Variants in RPS19 observed in about 807,000 individuals in gnomAD.
The protein encoded by RPS19 is ribosomal protein S19, also known as small ribosomal subunit protein eS19.
A neutral mutation model predicts 20.3 loss-of-function variants in RPS19; 1 was observed. The observed-to-expected ratio is 0.05, with a 90% confidence interval of 0.02 to 0.23. The LOEUF is 0.23. Among genes scored for constraint, RPS19 ranks in the 10% least tolerant of loss-of-function variants. RPS19 has a pLI of 1.00. For missense variants in RPS19, 111 were observed against 192.7 expected (o/e 0.58, Z 2.51); for synonymous variants, 87 against 74.8 (o/e 1.16, Z -0.84).
At chr19:41,860,708 T>C in intron 1 of RPS19, 67 bp from the exon 2 acceptor site, 1 of 1,141,192 alleles carries the variant, frequency 8.8e-7, no homozygotes, top group East Asian at 2.3e-5. Context: ...AGGATTGGGG[T>C]GGGGTCCGTG....
In RPS19 at chr19:41,860,769, C is replaced by T. The variant is rs1245066243; in HGVS notation, c.1-6C>T. On this transcript the variant is annotated splice_region_variant and splice_polypyrimidine_tract_variant and intron_variant, in intron 1 of 5. Transcript: ENST00000598742. ...CTGTGTTCACATGCTTGACTTTCTC[C>T]CTCAGATGCCTGGAGTTACTGTAAA... 3.1e-6 allele frequency: 5 copies of T among 1,611,740 alleles called. No individual in the cohort carries two copies. The highest frequency in any genetic ancestry group is 1.7e-4 in the Middle Eastern group (1 of 6,054).
In RPS19 at chr19:41,865,395, A is replaced by T. The variant is rs556628418; in HGVS notation, c.173-3636A>T. 6.0e-5 allele frequency among the ~76,000 whole-genome samples: 9 copies of T among 149,770 alleles called. No homozygotes were observed. In the South Asian group the frequency reaches 1.9e-3, roughly 32 times the overall value. On this transcript the variant is annotated intron_variant, in intron 3 of 5. Coordinates refer to ENST00000598742, the MANE Select transcript of RPS19 (RefSeq NM_001022.4). ...AAAAAAAAAGCACCTAATAGGCCTT[A>T]TGGGAGCTTGTTCTCTACCAGTCAC...
At chr19:41,860,744 C>T (rs532777489) in intron 1 of RPS19, 31 bp from the exon 2 acceptor site, 5 of 1,552,692 alleles carry the variant, frequency 3.2e-6, no homozygotes, top group East Asian at 2.2e-5. Context: ...TCTGCCAGGC[C>T]TGTGTTCACA....
In RPS19 at chr19:41,865,434, TAAGTA is replaced by T. The variant is rs556916395; in HGVS notation, c.173-3592_173-3588del. 7.9e-5 allele frequency among the ~76,000 whole-genome samples: 12 copies of T among 151,360 alleles called. No individual in the cohort carries two copies. The East Asian group carries it at 2.3e-3, about 29-fold the overall frequency. Reference sequence around the variant, plus strand: ...TCTACCAGTCACTGTGCTCAAGGTTTAAGTAAAGTGTCTCCTTTAGTACCGCAGCA... The same window carrying T: ...TCTACCAGTCACTGTGCTCAAGGTTTAAGTGTCTCCTTTAGTACCGCAGCA... On this transcript the variant is annotated intron_variant, in intron 3 of 5. Coordinates refer to ENST00000598742, the MANE Select transcript of RPS19 (RefSeq NM_001022.4).
chr19:41,870,327 T>C (rs61762298), intron 5 of RPS19, among the ~76,000 whole-genome samples: 86 of 151,978 alleles, frequency 5.7e-4, no homozygotes, highest in South Asian at 2.1e-3. Context: ...CGTAGATGAC[T>C]CCCCCTCCCC....
At chr19:41,861,249 C>T (rs1338779407) in intron 3 of RPS19, 37 bp downstream of exon 3, 6 of 1,472,064 alleles carry the variant, frequency 4.1e-6, no homozygotes, top group Middle Eastern at 1.7e-4. Context: ...GAGTGGGGAG[C>T]TGGGTGACCC....
At chr19:41,869,500 A>G in intron 4 of RPS19, 199 bp from the exon 5 acceptor site, 1 of 622,862 alleles carries the variant, frequency 1.6e-6, no homozygotes, top group Non-Finnish European at 2.8e-6. Flanking sequence ...AAATGCTTGC[A>G]CAAACAACAC....
In RPS19 at chr19:41,861,490, C is replaced by G. The variant is rs1182811350; in HGVS notation, c.172+278C>G. ...ATATTTTGCTTACAGGTGGTTTAAT[C>G]CTTTCTATATACACGGAGGCAGACT... is the stretch of plus-strand genomic sequence containing the variant. On this transcript the variant is annotated intron_variant, in intron 3 of 5. Transcript: ENST00000598742. The G allele has an allele frequency of 1.5e-5, 7 of 463,276 alleles. 1 individual carries two copies. The highest frequency in any genetic ancestry group is 1.5e-4 in the South Asian group (7 of 48,086). 28.7% of individuals were successfully genotyped at this position (463,276 alleles called of 1,614,324 possible). A position where few individuals can be genotyped will look rare whatever the true frequency, so the allele number is the denominator to read the frequency against.
At chr19:41,863,050 G>A (rs1286094780) in intron 3 of RPS19, among the ~76,000 whole-genome samples, 1 of 152,164 alleles carries the variant, frequency 6.6e-6, no homozygotes, top group Non-Finnish European at 1.5e-5. Context: ...CAGGGACAGG[G>A]TCTAGGCCTG....
chr19:41,872,449 A>G lies in RPS19; in HGVS notation c.*1072A>G, dbSNP rs1555842217. On this transcript the variant is annotated 3_prime_UTR_variant, in exon 6 of 6. Transcript: ENST00000598742. ...ACAACTCTGCCCCTAATCCCACGTAACCCTGTGCACCTTATCCTCTGAGCC... is the reference window on the plus strand; with the variant it reads ...ACAACTCTGCCCCTAATCCCACGTAGCCCTGTGCACCTTATCCTCTGAGCC... 2 of 152,196 alleles carry G rather than the reference A, an allele frequency of 1.3e-5. No individual in the cohort carries two copies. The highest frequency in any genetic ancestry group is 3.8e-4 in the East Asian group (2 of 5,202). 9.4% of individuals were successfully genotyped at this position (152,196 alleles called of 1,614,324 possible). A position where few individuals can be genotyped will look rare whatever the true frequency, so the allele number is the denominator to read the frequency against.
Position 41,872,702 on chromosome 19 carries a change from A to C in RPS19, c.*1325A>C, listed in dbSNP as rs2074162219. 1 of 152,230 alleles carries C rather than the reference A, an allele frequency of 6.6e-6. No homozygotes were observed. The highest frequency in any genetic ancestry group is 1.5e-5 in the Non-Finnish European group (1 of 68,046). The allele number at this position is 152,230 out of a possible 1,614,324, so 9.4% of individuals were successfully genotyped here. ...CACCTGAGGTTGGGAGCTTGAGAACAGCCTGACCAACATGGAGAAACCCTG... is the reference window on the plus strand; with the variant it reads ...CACCTGAGGTTGGGAGCTTGAGAACCGCCTGACCAACATGGAGAAACCCTG... On this transcript the variant is annotated 3_prime_UTR_variant, in exon 6 of 6. Transcript: ENST00000598742.
intron 3 of RPS19, among the ~76,000 whole-genome samples, chr19:41,867,761 C>T (rs1029773489): frequency 2.0e-5 from 3 of 151,660 alleles, no homozygotes; most frequent in Non-Finnish European, 2.9e-5. Context: ...GCTATGATCA[C>T]ACCACAGCAC....
rs1384505153 is a variant in RPS19 at position 41,860,266 on chromosome 19, G to C, written c.-24G>C. 1 of 153,122 alleles carries C rather than the reference G, an allele frequency of 6.5e-6. No homozygotes were observed. Among genetic ancestry groups the C allele is most frequent in the South Asian group, 2.1e-4 (1 of 4,856 alleles). The allele number at this position is 153,122 out of a possible 1,614,324, so 9.5% of individuals were successfully genotyped here. A position where few individuals can be genotyped will look rare whatever the true frequency, so the allele number is the denominator to read the frequency against. On this transcript the variant is annotated 5_prime_UTR_variant, in exon 1 of 6. Coordinates refer to ENST00000598742, the MANE Select transcript of RPS19 (RefSeq NM_001022.4). The stretch of plus-strand genomic sequence containing the variant: ...GAAACCCCGTCGTTCCCTTTCCCCT[G>C]GCTGGCAGCGCGGAGGCCGCACGGT...
chr19:41,867,942 G>A (rs2074106821), intron 3 of RPS19, among the ~76,000 whole-genome samples: 1 of 152,164 alleles, frequency 6.6e-6, no homozygotes, highest in Non-Finnish European at 1.5e-5. Flanking sequence ...GGCTGTATCT[G>A]GACCTGATCT....
intron 3 of RPS19, chr19:41,861,595 C>T (rs1555839316): frequency 5.8e-6 from 2 of 344,532 alleles, no homozygotes; most frequent in East Asian, 7.4e-5. Context: ...ACTCTCTCAT[C>T]CCCAAAATGG....
At chr19:41,865,913 C>A (rs2123274987) in intron 3 of RPS19, among the ~76,000 whole-genome samples, 1 of 137,390 alleles carries the variant, frequency 7.3e-6, no homozygotes, top group South Asian at 2.4e-4. Flanking sequence ...CACGCCACTG[C>A]ACTCCAGCCT....
At chr19:41,867,442 G>A (rs550444746) in intron 3 of RPS19, among the ~76,000 whole-genome samples, 4 of 152,186 alleles carry the variant, frequency 2.6e-5, no homozygotes, top group African/African-American at 9.6e-5. Flanking sequence ...CCAGGTAGCT[G>A]GGGTTACAGC....
intron 3 of RPS19, among the ~76,000 whole-genome samples, chr19:41,868,339 C>T (rs1039368878): frequency 2.6e-5 from 4 of 152,220 alleles, no homozygotes; most frequent in Non-Finnish European, 5.9e-5. Flanking sequence ...GAGAGTAGCA[C>T]TTGACACACC....
intron 5 of RPS19, among the ~76,000 whole-genome samples, chr19:41,871,057 T>G (rs1555841895): frequency 6.6e-6 from 1 of 151,814 alleles, no homozygotes; most frequent in African/African-American, 2.4e-5. Context: ...GAGACAGGGT[T>G]TCACCATATT....
Sources: allele counts gnomAD v4.1 joint callset (sites outside exome capture counted in the v4.1 genomes callset), GRCh38; gene constraint gnomAD v4.1.1; transcripts MANE v1.5; gene names NCBI Gene and HGNC (gene_info 2026-07-23, HGNC 2026-07-21).